Variants in SLC22A2 observed in about 807,000 individuals in gnomAD.
SLC22A2 encodes organic cation transporter 2.
SLC22A2 carries 46 observed loss-of-function variants against 60.5 expected under a neutral mutation model. The observed-to-expected ratio is 0.76, with a 90% CI of 0.60 to 0.97. The LOEUF (loss-of-function observed/expected upper bound fraction) is 0.97, where lower values mean the gene tolerates loss of function less well. Ranked by LOEUF, SLC22A2 falls within the 50% of genes least tolerant of loss-of-function variation. The pLI is 0.00. For synonymous variants in SLC22A2, 303 were observed against 267.0 expected (o/e 1.13, Z -1.31); for missense variants, 701 against 706.6 (o/e 0.99, Z 0.09).
chr6:160,224,133 T>C (rs1269765859), intron 10 of SLC22A2, among the ~76,000 whole-genome samples: 3 of 152,180 alleles, frequency 2.0e-5, no homozygotes, highest in Non-Finnish European at 2.9e-5. Context: ...TTCCCCAACA[T>C]AGTGTGTTAC....
rs1192360108 is a variant in SLC22A2 at position 160,240,851 on chromosome 6, A to G, written c.1501+623T>C. Among the ~76,000 whole-genome samples the G allele has an allele frequency of 2.6e-5, 4 of 152,308 alleles. No individual in the cohort carries two copies. The East Asian group carries it at 7.7e-4, about 29-fold the overall frequency. ...ATTGAGGTGTTCCAGTTAACCAGAG[A>G]AGGCTCAGTGCTGGTGTGTTCCTGC... On this transcript the variant is annotated intron_variant, in intron 9 of 10. Transcript: ENST00000366953.
rs546997773 is a variant in SLC22A2, at chr6:160,230,698, G to A, written c.1502-5894C>T. Among the ~76,000 whole-genome samples the A allele has an allele frequency of 7.5e-4, 114 of 152,012 alleles. 2 individuals are homozygous for A. Among genetic ancestry groups the A allele is most frequent in the African/African-American group, 2.7e-3 (110 of 41,298 alleles). ...CCCCAGACACATCTCCAGCACACAA[G>A]AACTCCAAATGCCTGAACCGCAGCT... is the stretch of plus-strand genomic sequence containing the variant. On this transcript the variant is annotated intron_variant, in intron 9 of 10. Transcript: ENST00000366953.
intron 9 of SLC22A2, among the ~76,000 whole-genome samples, chr6:160,226,612 C>T (rs1303128530): frequency 6.6e-6 from 1 of 152,102 alleles, no homozygotes; most frequent in East Asian, 1.9e-4. Context: ...CTTCTTTCAC[C>T]CTGTGGTTGT....
chr6:160,250,283 C>T (rs1251467878), intron 3 of SLC22A2, among the ~76,000 whole-genome samples: 1 of 152,070 alleles, frequency 6.6e-6, no homozygotes, highest in African/African-American at 2.4e-5. Flanking sequence ...CTCCAGGGTA[C>T]AGAAAACAAA....
At chr6:160,218,254 T>C in intron 10 of SLC22A2, 1 of 180,414 alleles carries the variant, frequency 5.5e-6, no homozygotes, top group Non-Finnish European at 1.1e-5. Flanking sequence ...GGAGGTAAAA[T>C]CAAGTCAGTT....
At chr6:160,223,341 T>C (rs891123929) in intron 10 of SLC22A2, among the ~76,000 whole-genome samples, 1 of 152,338 alleles carries the variant, frequency 6.6e-6, no homozygotes, top group Non-Finnish European at 1.5e-5. Context: ...CTCAATTCCA[T>C]AGACAACCAG....
chr6:160,250,600 G>A lies in SLC22A2; in HGVS notation c.621C>T (p.Arg207=). 6.2e-7 allele frequency: 1 copy of A among 1,614,070 alleles called. No homozygotes were observed. The highest frequency in any genetic ancestry group is 8.5e-7 in the Non-Finnish European group (1 of 1,179,954). The change falls in exon 3 of 11, where the codon CGC becomes CGT. Residue 207 remains arginine (R), a synonymous_variant. Coordinates refer to ENST00000366953, the MANE Select transcript of SLC22A2 (RefSeq NM_003058.4). The stretch of plus-strand genomic sequence containing the variant: ...CTTTGCTGACCAGTCCTTGGATTAA[G>A]CGAAAAATTAACATCCACGTATAGG... ...SPTYTWMLIF[R]LIQGLVSKAG... is the part of the protein sequence containing the mutation.
intron 4 of SLC22A2, among the ~76,000 whole-genome samples, chr6:160,248,994 A>G (rs1470146693): frequency 2.0e-5 from 3 of 152,236 alleles, no homozygotes; most frequent in Non-Finnish European, 4.4e-5. Context: ...GATCCAAGTC[A>G]TAAAAACTTT....
chr6:160,224,126 C>A lies in SLC22A2; in HGVS notation c.1601+579G>T, dbSNP rs112793558. Among the ~76,000 whole-genome samples the A allele has an allele frequency of 4.0e-3, 606 of 152,274 alleles. 5 individuals carry two copies. The highest frequency in any genetic ancestry group is 0.014 in the African/African-American group (561 of 41,538). ...GAGACTACATTTCTCCCCATTCTTC[C>A]CCAACATAGTGTGTTACCAAGTAAT... On this transcript the variant is annotated intron_variant, in intron 10 of 10. Transcript: ENST00000366953.
chr6:160,241,212 GT>G, intron 9 of SLC22A2, among the ~76,000 whole-genome samples: 1 of 152,108 alleles, frequency 6.6e-6, no homozygotes, highest in Admixed American at 6.5e-5. Context: ...TATGGCAGGA[GT>G]CCCATACTTG....
Position 160,258,595 on chromosome 6 carries a change from C to A in SLC22A2, c.163G>T (p.Gly55Ter). ...CAGCGCAGACTCAGCTCGGCCACTCCGGGGCTCCGGCAGCGGTGGTCAGGG... is the reference window on the plus strand; with the variant it reads ...CAGCGCAGACTCAGCTCGGCCACTCAGGGGCTCCGGCAGCGGTGGTCAGGG... ...FTPDHRCRSP[G>*]VAELSLRCGW... The change falls in exon 1 of 11, where the codon GGA becomes TGA. Residue 55 changes from glycine (G) to a stop codon, truncating the protein, a stop_gained. Transcript: ENST00000366953. LOFTEE classifies it high-confidence loss of function. 6.2e-7 allele frequency: 1 copy of A among 1,613,904 alleles called. No individual in the cohort carries two copies. Among genetic ancestry groups the A allele is most frequent in the Non-Finnish European group, 8.5e-7 (1 of 1,179,914 alleles).
chr6:160,256,767 T>C (rs1241096216), intron 1 of SLC22A2, 50 bp from the exon 2 acceptor site: 1 of 1,247,682 alleles, frequency 8.0e-7, no homozygotes, highest in Admixed American at 1.7e-5. Context: ...GGAAATGAAA[T>C]CCTGTTAGAA....
intron 9 of SLC22A2, among the ~76,000 whole-genome samples, chr6:160,232,749 T>C (rs1272829683): frequency 6.6e-6 from 1 of 151,902 alleles, no homozygotes; most frequent in South Asian, 2.1e-4. Flanking sequence ...ACAATGCTTA[T>C]GCTGATAAGG....
rs1383292527 is a variant in SLC22A2, at chr6:160,242,542, T to G, written c.1280-140A>C. On this transcript the variant is annotated intron_variant, in intron 7 of 10. Transcript: ENST00000366953. ...AAAAATGACTTCTTCTATAGGCTCA[T>G]GTTAATGTCAGCAGATTCTCACGTT... The G allele has an allele frequency of 1.5e-4, 92 of 627,666 alleles. 5 individuals carry two copies. The South Asian group carries it at 1.6e-3, about 11-fold the overall frequency. The allele number at this position is 627,666 out of a possible 1,614,324, so 38.9% of individuals were successfully genotyped here.
chr6:160,222,886 T>C (rs1326619834), intron 10 of SLC22A2, among the ~76,000 whole-genome samples: 1 of 152,202 alleles, frequency 6.6e-6, no homozygotes, highest in Non-Finnish European at 1.5e-5. Flanking sequence ...ATCCAGTTTA[T>C]GTGGAATTTC....
At chr6:160,227,115 T>G (rs1320968932) in intron 9 of SLC22A2, among the ~76,000 whole-genome samples, 3 of 152,246 alleles carry the variant, frequency 2.0e-5, no homozygotes, top group Non-Finnish European at 2.9e-5. Context: ...TTTGCATCTG[T>G]AAAGAATCTC....
chr6:160,219,120 C>T (rs1276888022), intron 10 of SLC22A2, among the ~76,000 whole-genome samples: 7 of 151,824 alleles, frequency 4.6e-5, no homozygotes, highest in Non-Finnish European at 5.9e-5. Flanking sequence ...ATAACAGCAG[C>T]AGCAACAACA....
intron 10 of SLC22A2, among the ~76,000 whole-genome samples, chr6:160,223,257 T>C (rs916290454): frequency 6.6e-6 from 1 of 152,162 alleles, no homozygotes; most frequent in African/African-American, 2.4e-5. Flanking sequence ...TTTGAATGGG[T>C]TCATATGGTC....
chr6:160,228,192 C>T lies in SLC22A2; in HGVS notation c.1502-3388G>A, dbSNP rs189710931. ...AAGAACCCTCTCTTGGGGTCTGGAT[C>T]GGACACCTTTCCAATAACATCTTTC... is the stretch of plus-strand genomic sequence containing the variant. On this transcript the variant is annotated intron_variant, in intron 9 of 10. Transcript: ENST00000366953. Among the ~76,000 whole-genome samples, 27 of 152,292 alleles carry T rather than the reference C, an allele frequency of 1.8e-4. No homozygotes were observed. In the East Asian group the frequency reaches 2.7e-3, roughly 15 times the overall value.
Sources: allele counts gnomAD v4.1 joint callset (sites outside exome capture counted in the v4.1 genomes callset), GRCh38; gene constraint gnomAD v4.1.1; transcripts MANE v1.5; gene names NCBI Gene and HGNC (gene_info 2026-07-23, HGNC 2026-07-21).